MYOM3: variants seen among roughly 807,000 people sequenced by gnomAD.
MYOM3 encodes the protein myomesin-3.
Under a neutral mutation model 191.7 loss-of-function variants are expected in MYOM3, and 155 were observed. The ratio of observed to expected loss-of-function variants is 0.81; its 90% confidence interval spans 0.71 to 0.92. The LOEUF (loss-of-function observed/expected upper bound fraction) is 0.92. Ranked by LOEUF, MYOM3 falls within the 40% of genes least tolerant of loss-of-function variation. The probability of loss-of-function intolerance (pLI) is 0.00; values close to 1 mark genes in which losing one functional copy is unlikely to be tolerated. For synonymous variants in MYOM3, 757 were observed against 762.9 expected, an observed-to-expected ratio of 0.99 and a Z score of 0.13; for missense variants, 1,889 against 1,890.6, an observed-to-expected ratio of 1.00 and a Z score of 0.02.
At chr1:24,090,699 C>G in intron 12 of MYOM3, 98 bp downstream of exon 12, 1 of 1,244,296 alleles carries the variant, frequency 8.0e-7, no homozygotes, top group East Asian at 2.4e-5. Flanking sequence ...CTCCACCAGA[C>G]TCGGGGCTCC....
At chr1:24,104,307 A>T (rs993531853) in intron 5 of MYOM3, among the ~76,000 whole-genome samples, 1 of 152,086 alleles carries the variant, frequency 6.6e-6, no homozygotes, top group Non-Finnish European at 1.5e-5. Context: ...CTCATAGGCA[A>T]CCTCTTCTGA....
intron 32 of MYOM3, among the ~76,000 whole-genome samples, chr1:24,062,611 T>A (rs1233404467): frequency 6.6e-6 from 1 of 152,226 alleles, no homozygotes; most frequent in Non-Finnish European, 1.5e-5. Flanking sequence ...GCTGAGTCTC[T>A]GTGGGTACCT....
intron 5 of MYOM3, among the ~76,000 whole-genome samples, chr1:24,100,576 G>A (rs1034458254): frequency 6.6e-6 from 1 of 152,150 alleles, no homozygotes; most frequent in Non-Finnish European, 1.5e-5. Context: ...TACAATAGCC[G>A]GAGGAGCTTT....
In MYOM3 at chr1:24,057,694, T is replaced by C. The variant is rs887140124; in HGVS notation, c.4051-67A>G. The C allele has an allele frequency of 4.0e-6, 6 of 1,488,488 alleles. No individual in the cohort carries two copies. In the African/African-American group the frequency reaches 6.9e-5, roughly 17 times the overall value. 92.2% of individuals were successfully genotyped at this position (1,488,488 alleles called of 1,614,324 possible). ...AACTTGAACTTAGCATTTGCTTTCA[T>C]GCCCCCAGAGAGCTCCCAGCTCAGG... On this transcript the variant is annotated intron_variant, in intron 36 of 36. Transcript: ENST00000374434.
intron 5 of MYOM3, among the ~76,000 whole-genome samples, chr1:24,102,761 G>A (rs1046453851): frequency 3.9e-5 from 6 of 152,104 alleles, no homozygotes; most frequent in Non-Finnish European, 5.9e-5. Context: ...TAGGACGATC[G>A]CTTGAGCCCA....
chr1:24,075,458 C>A lies in MYOM3; in HGVS notation c.2719G>T (p.Val907Phe), dbSNP rs766320375. The A allele has an allele frequency of 1.9e-6, 3 of 1,580,174 alleles. No individual in the cohort carries two copies. The highest frequency in any genetic ancestry group is 2.3e-5 in the South Asian group (2 of 85,442). Residue 907 changes from valine to phenylalanine, a missense_variant, in exon 22 of 37, where the codon GTT becomes TTT. Val to Phe is a conservative substitution (Grantham distance 50). Coordinates refer to ENST00000374434, the MANE Select transcript of MYOM3 (RefSeq NM_152372.4). ...ATAAAGCCCTCTTCATCCACACCAA[C>A]CTCGATCTCATGGGCACCTGAGGGC... The part of the protein sequence containing the change: ...EDKPGAHEIE[V>F]GVDEEGFIYL...
intron 14 of MYOM3, among the ~76,000 whole-genome samples, chr1:24,088,070 A>C (rs1414517451): frequency 6.6e-6 from 1 of 152,196 alleles, no homozygotes; most frequent in Non-Finnish European, 1.5e-5. Context: ...TCTCCACAGC[A>C]TCAGGGACCC....
At position 24,107,001 on chromosome 1, in the gene MYOM3, AG is replaced by A. The variant is rs2148562559; in HGVS notation, c.402+71del. The A allele has an allele frequency of 2.8e-6, 4 of 1,431,270 alleles. No individual in the cohort carries two copies. The Admixed American group carries it at 6.8e-5, about 24-fold the overall frequency. 88.7% of individuals were successfully genotyped at this position (1,431,270 alleles called of 1,614,324 possible). A position where few individuals can be genotyped will look rare whatever the true frequency, so the allele number is the denominator to read the frequency against. On this transcript the variant is annotated intron_variant, in intron 4 of 36. Transcript: ENST00000374434. Reference sequence around the variant, plus strand: ...GCCCTGGATGTCCCGCCTCTTGGGAAGGGGGTGAGGATGGCAGCAAGTGGTG... The same window carrying A: ...GCCCTGGATGTCCCGCCTCTTGGGAAGGGGTGAGGATGGCAGCAAGTGGTG...
Position 24,080,057 on chromosome 1 carries a change from T to C in MYOM3, c.2545A>G (p.Lys849Glu). The change falls in exon 20 of 37, where the codon AAG becomes GAG. Residue 849 changes from lysine (K) to glutamate (E), a missense_variant. Physicochemically the swap from Lys to Glu is moderately conservative, Grantham distance 56. Transcript: ENST00000374434. ...SFQEEGSEQW[K>E]PVTPGPISGT... Reference sequence around the variant, plus strand: ...GAGATGGGGCCTGGGGTGACCGGCTTCCACTGCTCAGAGCCTTCCTCCTGG... The same window carrying C: ...GAGATGGGGCCTGGGGTGACCGGCTCCCACTGCTCAGAGCCTTCCTCCTGG... The C allele has an allele frequency of 1.2e-6, 2 of 1,614,000 alleles. No homozygotes were observed. The highest frequency in any genetic ancestry group is 1.7e-4 in the Middle Eastern group (1 of 6,060).
At chr1:24,109,542 T>A (rs528714492) in intron 1 of MYOM3, among the ~76,000 whole-genome samples, 42 of 152,226 alleles carry the variant, frequency 2.8e-4, no homozygotes, top group Non-Finnish European at 5.6e-4. Flanking sequence ...GCTTTCTCTA[T>A]GTAATTATTT....
At chr1:24,061,898 T>C in intron 33 of MYOM3, 48 bp downstream of exon 33, 1 of 1,608,802 alleles carries the variant, frequency 6.2e-7, no homozygotes. Context: ...AGACTGTCCA[T>C]GGGATTTTCT....
intron 3 of MYOM3, 55 bp from the exon 4 acceptor site, chr1:24,107,287 T>C: frequency 6.7e-7 from 1 of 1,486,640 alleles, no homozygotes; most frequent in Non-Finnish European, 9.1e-7. Context: ...GCCTGGGGCA[T>C]CCTGGCCAGT....
In MYOM3 at chr1:24,061,092, A is replaced by G; in HGVS notation, c.3972-10T>C. 6.2e-7 allele frequency: 1 copy of G among 1,614,174 alleles called. No individual in the cohort carries two copies. Among genetic ancestry groups the G allele is most frequent in the Non-Finnish European group, 8.5e-7 (1 of 1,180,020 alleles). ...GATGATGGCCAAGGTTCTGAAAAAC[A>G]GAAATGGGAACAAGGTGTGACATTC... On this transcript the variant is annotated splice_polypyrimidine_tract_variant and intron_variant, in intron 34 of 36. Transcript: ENST00000374434.
chr1:24,105,930 G>T lies in MYOM3; in HGVS notation c.550C>A (p.Gln184Lys). 1 of 1,605,736 alleles carries T rather than the reference G, an allele frequency of 6.2e-7. No homozygotes were observed. Among genetic ancestry groups the T allele is most frequent in the Non-Finnish European group, 8.5e-7 (1 of 1,175,242 alleles). Residue 184 changes from glutamine (Q) to lysine (K), a missense_variant, in exon 5 of 37, where the codon CAG becomes AAG. Transcript: ENST00000374434. ...TCTVQASPPP[Q>K]VTWYKNDTRI... ...GCCCCAGCGGCTTACCAGGTGACCTGGGGTGGTGGTGAGGCCTGGACAGTG... is the reference window on the plus strand; with the variant it reads ...GCCCCAGCGGCTTACCAGGTGACCTTGGGTGGTGGTGAGGCCTGGACAGTG...
rs780018520 is a variant in MYOM3 at position 24,089,589 on chromosome 1, C to T, written c.1563G>A (p.Trp521Ter). Residue 521 changes from tryptophan (W) to a stop codon, truncating the protein, a stop_gained, in exon 14 of 37, where the codon TGG becomes TGA. Transcript: ENST00000374434. LOFTEE classifies it high-confidence loss of function. ...CTCTGTCCCGGGGGCTGGGCTCCTC[C>T]CAGGCCAGAACCACATAGGCCTCTC... is the stretch of plus-strand genomic sequence containing the variant. The part of the protein sequence containing the change: ...EIREAYVVLA[W>*]EEPSPRDRAP... The T allele has an allele frequency of 1.9e-6, 3 of 1,596,774 alleles. No individual in the cohort carries two copies. The Admixed American group carries it at 5.2e-5, about 28-fold the overall frequency.
intron 24 of MYOM3, among the ~76,000 whole-genome samples, chr1:24,071,644 C>A (rs910980638): frequency 6.6e-6 from 1 of 152,222 alleles, no homozygotes; most frequent in African/African-American, 2.4e-5. Flanking sequence ...ACCTCCCCTG[C>A]TCTAGGGACT....
intron 20 of MYOM3, among the ~76,000 whole-genome samples, chr1:24,077,716 C>T (rs1643619047): frequency 6.6e-6 from 1 of 152,240 alleles, no homozygotes; most frequent in South Asian, 2.1e-4. Flanking sequence ...CCAGGCCTGG[C>T]ATTAAAGCAG....
chr1:24,079,104 G>A (rs1347521437), intron 20 of MYOM3, among the ~76,000 whole-genome samples: 4 of 152,046 alleles, frequency 2.6e-5, no homozygotes, highest in Non-Finnish European at 4.4e-5. Flanking sequence ...TATATTATAT[G>A]CTATTCACAT....
At chr1:24,102,598 A>G (rs1643945658) in intron 5 of MYOM3, among the ~76,000 whole-genome samples, 1 of 152,202 alleles carries the variant, frequency 6.6e-6, no homozygotes. Context: ...CTGTATTCCC[A>G]GAGCTTTGGG....
Sources: gnomAD v4.1 joint callset for allele counts (sites outside exome capture counted in the v4.1 genomes callset) on GRCh38, gnomAD v4.1.1 for gene constraint, MANE v1.5 for transcripts, NCBI Gene and HGNC (gene_info 2026-07-23, HGNC 2026-07-21) for gene names.